The following ABCC5 variants were observed in gnomAD, a reference collection of about 807,000 sequenced individuals.
ABCC5 encodes the protein ATP binding cassette subfamily C member 5, also known as ATP-binding cassette sub-family C member 5.
In ABCC5, 61 loss-of-function variants were observed where a neutral mutation model predicts 160.9. The ratio of observed to expected loss-of-function variants is 0.38; its 90% CI spans 0.31 to 0.47. The LOEUF is 0.47. Among genes scored for constraint, ABCC5 ranks in the 20% least tolerant of loss-of-function variants. The pLI is 0.99. For synonymous variants in ABCC5, 666 were observed against 700.6 expected, an observed-to-expected ratio of 0.95 and a Z score of 0.78; for missense variants, 1,308 against 1,813.3, an observed-to-expected ratio of 0.72 and a Z score of 5.06.
At chr3:183,952,214 A>G (rs1254308594) in intron 18 of ABCC5, among the ~76,000 whole-genome samples, 1 of 146,056 alleles carries the variant, frequency 6.8e-6, no homozygotes, top group Non-Finnish European at 1.5e-5. Context: ...TGGCGCAATC[A>G]TGGCTCACTG....
At chr3:184,008,448 CA>C (rs1465570736) in intron 2 of ABCC5, among the ~76,000 whole-genome samples, 2 of 152,136 alleles carry the variant, frequency 1.3e-5, no homozygotes, top group Admixed American at 6.5e-5. Flanking sequence ...TAATGCCAGC[CA>C]AAGTTAGTAC....
At chr3:183,924,886 G>A (rs530750707) in intron 29 of ABCC5, among the ~76,000 whole-genome samples, 5 of 152,348 alleles carry the variant, frequency 3.3e-5, no homozygotes, top group South Asian at 4.1e-4. Context: ...GGCAGGTTGA[G>A]AGCAGGTGGA....
At chr3:183,964,682 C>T (rs1369186845) in intron 14 of ABCC5, among the ~76,000 whole-genome samples, 1 of 152,184 alleles carries the variant, frequency 6.6e-6, no homozygotes, top group Non-Finnish European at 1.5e-5. Context: ...ATCCCAGAGA[C>T]CTTCAGGGCA....
Position 183,921,238 on chromosome 3 carries a change from G to T in ABCC5, c.*62C>A. ...TTTCGGTAGGAGGACGCGATGAGGG[G>T]CCCGCCCCAGGCAGGGAATGGCAAT... On this transcript the variant is annotated 3_prime_UTR_variant, in exon 30 of 30. Transcript: ENST00000334444. This position sits in a 1 kb window ranked among gnomAD's most constrained non-coding sequence, Gnocchi z 4.1. The T allele has an allele frequency of 1.0e-6, 1 of 978,230 alleles. No homozygotes were observed. Among genetic ancestry groups the T allele is most frequent in the Non-Finnish European group, 1.6e-6 (1 of 632,304 alleles). The allele number at this position is 978,230 out of a possible 1,614,324, so 60.6% of individuals were successfully genotyped here.
At chr3:184,008,128 G>C (rs535121916) in intron 2 of ABCC5, among the ~76,000 whole-genome samples, 2 of 152,156 alleles carry the variant, frequency 1.3e-5, no homozygotes, top group African/African-American at 4.8e-5. Flanking sequence ...CGTGTTGTGA[G>C]TTTAAGCTTC....
intron 10 of ABCC5, among the ~76,000 whole-genome samples, chr3:183,975,844 CT>C (rs1457569600): frequency 6.6e-6 from 1 of 152,070 alleles, no homozygotes. Flanking sequence ...TGAAAGCCAC[CT>C]GCTAATCCAA....
At chr3:183,956,359 C>A (rs183417966) in intron 17 of ABCC5, among the ~76,000 whole-genome samples, 1 of 150,214 alleles carries the variant, frequency 6.7e-6, no homozygotes, top group Admixed American at 6.6e-5. Flanking sequence ...TATATCACAT[C>A]GGTTACATGC....
At chr3:184,010,798 CTTTTTTT>C (rs55882083) in intron 2 of ABCC5, among the ~76,000 whole-genome samples, 1 of 136,630 alleles carries the variant, frequency 7.3e-6, no homozygotes, top group Non-Finnish European at 1.6e-5. Context: ...CATTCTTCTT[CTTTTTTT>C]TTTTTTTTTG....
At position 183,949,690 on chromosome 3, in the gene ABCC5, A is replaced by G; in HGVS notation, c.3227+63T>C. 1 of 1,585,580 alleles carries G rather than the reference A, an allele frequency of 6.3e-7. No individual in the cohort carries two copies. Among genetic ancestry groups the G allele is most frequent in the Non-Finnish European group, 8.6e-7 (1 of 1,164,694 alleles). On this transcript the variant is annotated intron_variant, in intron 22 of 29. Coordinates refer to ENST00000334444, the MANE Select transcript of ABCC5 (RefSeq NM_005688.4). The surrounding 1 kb of genome is among the most constrained non-coding windows in gnomAD (Gnocchi z 4.2). ...TCTCTGGCCTTGAAGAGCCTCCCGG[A>G]CAAGTATCAAACGCTGGGATGCTGA...
intron 2 of ABCC5, among the ~76,000 whole-genome samples, chr3:184,009,601 T>A (rs186087792): frequency 1.3e-5 from 2 of 152,346 alleles, no homozygotes; most frequent in East Asian, 3.9e-4. Context: ...TAAATACATC[T>A]GAGAAATTTT....
chr3:184,008,908 G>A (rs1410966524), intron 2 of ABCC5, among the ~76,000 whole-genome samples: 2 of 152,180 alleles, frequency 1.3e-5, no homozygotes, highest in African/African-American at 4.8e-5. Context: ...GCAGGGTGGA[G>A]TGCAGTGGCA....
intron 26 of ABCC5, among the ~76,000 whole-genome samples, chr3:183,933,165 CAAAAAA>C (rs55863712): frequency 0.11 from 8,306 of 73,728 alleles, 230 homozygotes; most frequent in Middle Eastern, 0.17. Context: ...GAGACTGTCT[CAAAAAA>C]AAAAAAAAAA....
chr3:183,947,710 G>A (rs2108791271), intron 22 of ABCC5, among the ~76,000 whole-genome samples, 200 bp from the exon 23 acceptor site: 1 of 152,108 alleles, frequency 6.6e-6, no homozygotes, highest in African/African-American at 2.4e-5. Context: ...AGGACATTAA[G>A]TTTTTCTAAT....
At chr3:183,993,568 T>C (rs141768200) in intron 2 of ABCC5, among the ~76,000 whole-genome samples, 1 of 151,972 alleles carries the variant, frequency 6.6e-6, no homozygotes, top group African/African-American at 2.4e-5. Context: ...GCCTTTTATC[T>C]CATGGAAGAC....
intron 14 of ABCC5, among the ~76,000 whole-genome samples, chr3:183,964,181 G>A (rs1211649116): frequency 2.6e-5 from 4 of 152,040 alleles, no homozygotes; most frequent in Non-Finnish European, 5.9e-5. Context: ...CCTCTTTCCC[G>A]CTAGTACCCC....
At chr3:183,942,301 T>C (rs1714442290) in intron 25 of ABCC5, 1 of 440,956 alleles carries the variant, frequency 2.3e-6, no homozygotes, top group Non-Finnish European at 4.5e-6. Context: ...CCCAAAGTGC[T>C]GGGATTACAG....
At chr3:184,015,309 C>T (rs1722096991) in intron 1 of ABCC5, among the ~76,000 whole-genome samples, 1 of 152,096 alleles carries the variant, frequency 6.6e-6, no homozygotes, top group African/African-American at 2.4e-5. Context: ...CACTTAAAAA[C>T]AAAAAACACA....
chr3:183,965,606 G>A (rs538613210), intron 12 of ABCC5, 105 bp from the exon 13 acceptor site: 50 of 1,494,364 alleles, frequency 3.3e-5, no homozygotes, highest in East Asian at 9.2e-5. Flanking sequence ...GTAATTTCCC[G>A]GGATGCTTTT....
chr3:184,004,908 T>C (rs1721056535), intron 2 of ABCC5, among the ~76,000 whole-genome samples: 2 of 152,112 alleles, frequency 1.3e-5, no homozygotes. Flanking sequence ...CACATAAATA[T>C]AGATTTCATA....
Sources: allele counts gnomAD v4.1 joint callset (sites outside exome capture counted in the v4.1 genomes callset), GRCh38; gene constraint gnomAD v4.1.1; non-coding constraint Gnocchi (gnomAD v3.1); transcripts MANE v1.5; gene names NCBI Gene and HGNC (gene_info 2026-07-23, HGNC 2026-07-21).